THADA: variants seen among roughly 807,000 people sequenced by gnomAD.
THADA encodes tRNA (32-2'-O)-methyltransferase regulator THADA.
Under a neutral mutation model 219.8 loss-of-function variants are expected in THADA, and 213 were observed. That is an observed-to-expected ratio of 0.97 (90% CI 0.87 to 1.09). The LOEUF (loss-of-function observed/expected upper bound fraction) is 1.09. Ranked by LOEUF, THADA falls within the 50% of genes least tolerant of loss-of-function variation. The probability of loss-of-function intolerance (pLI) is 0.00; values close to 1 mark genes in which losing one functional copy is unlikely to be tolerated. For synonymous variants in THADA, 1,018 were observed against 828.9 expected (o/e 1.23, Z -3.92); for missense variants, 2,956 against 2,311.3 (o/e 1.28, Z -5.72).
intron 25 of THADA, among the ~76,000 whole-genome samples, chr2:43,498,610 A>G (rs1688560299): frequency 6.6e-6 from 1 of 152,166 alleles, no homozygotes; most frequent in Non-Finnish European, 1.5e-5. Flanking sequence ...AAAGCAATCA[A>G]TAAAATTAAA....
intron 29 of THADA, among the ~76,000 whole-genome samples, chr2:43,375,135 A>C (rs922769711): frequency 6.6e-6 from 1 of 152,204 alleles, no homozygotes; most frequent in Non-Finnish European, 1.5e-5. Flanking sequence ...GGGAATTTGT[A>C]CATGTAACAT....
chr2:43,269,719 A>G (rs553245354), intron 36 of THADA, among the ~76,000 whole-genome samples: 1 of 152,314 alleles, frequency 6.6e-6, no homozygotes, highest in East Asian at 1.9e-4. Flanking sequence ...CCACATAACT[A>G]TCTTCCTTCA....
At chr2:43,258,006 T>C (rs939713942) in intron 36 of THADA, among the ~76,000 whole-genome samples, 120 of 152,200 alleles carry the variant, frequency 7.9e-4, no homozygotes, top group African/African-American at 2.7e-3. Flanking sequence ...TGTCATGCCC[T>C]GGACAGTGCT....
At chr2:43,540,841 A>C (rs926541639) in intron 21 of THADA, among the ~76,000 whole-genome samples, 1 of 152,220 alleles carries the variant, frequency 6.6e-6, no homozygotes, top group East Asian at 1.9e-4. Flanking sequence ...GTTTTACTAA[A>C]TAAGACAATT....
At chr2:43,471,272 T>C (rs1447098325) in intron 26 of THADA, among the ~76,000 whole-genome samples, 1 of 152,146 alleles carries the variant, frequency 6.6e-6, no homozygotes, top group African/African-American at 2.4e-5. Context: ...ACATCTATAA[T>C]CCCAGCACTT....
intron 26 of THADA, among the ~76,000 whole-genome samples, chr2:43,463,777 A>G (rs1010183140): frequency 3.3e-5 from 5 of 152,196 alleles, no homozygotes; most frequent in African/African-American, 9.7e-5. Context: ...AAAGTAAAGA[A>G]ATTTTACATT....
intron 22 of THADA, among the ~76,000 whole-genome samples, chr2:43,511,117 C>T (rs1690383434): frequency 2.0e-5 from 3 of 151,948 alleles, no homozygotes; most frequent in Middle Eastern, 3.4e-3. Flanking sequence ...TTTATACTTG[C>T]ATTTTCTTCC....
intron 36 of THADA, among the ~76,000 whole-genome samples, chr2:43,278,034 T>A (rs1052758052): frequency 6.7e-6 from 1 of 150,368 alleles, no homozygotes; most frequent in African/African-American, 2.5e-5. Context: ...CACTGCGACC[T>A]ATGCCTCCTG....
chr2:43,281,184 T>A (rs551705823), intron 35 of THADA, among the ~76,000 whole-genome samples: 6 of 152,244 alleles, frequency 3.9e-5, no homozygotes, highest in African/African-American at 1.2e-4. Context: ...GCTTTAGTCA[T>A]ACCAATAATA....
At chr2:43,291,963 A>G in intron 33 of THADA, 141 bp downstream of exon 33, 1 of 753,644 alleles carries the variant, frequency 1.3e-6, no homozygotes, top group Non-Finnish European at 2.1e-6. Context: ...CTATTGCTTG[A>G]GTTTAGAACT....
At chr2:43,350,735 C>T (rs942973003) in intron 29 of THADA, among the ~76,000 whole-genome samples, 13 of 152,230 alleles carry the variant, frequency 8.5e-5, no homozygotes, top group African/African-American at 3.1e-4. Context: ...CACATGAATC[C>T]ACCAATCTGC....
At chr2:43,524,495 G>A (rs1248750033) in intron 22 of THADA, among the ~76,000 whole-genome samples, 1 of 152,188 alleles carries the variant, frequency 6.6e-6, no homozygotes, top group Non-Finnish European at 1.5e-5. Flanking sequence ...GGATTTTCAT[G>A]AATGCCCAGA....
chr2:43,318,078 C>T (rs774983329), intron 31 of THADA, among the ~76,000 whole-genome samples: 8 of 151,954 alleles, frequency 5.3e-5, no homozygotes, highest in African/African-American at 9.7e-5. Context: ...ATCGCTCTGT[C>T]GCCCAGGCTG....
rs373396566 is a variant in THADA at position 43,549,387 on chromosome 2, C to T, written c.2948-19G>A. ...GCTGACTCTGAGGGAAAGAAATGAG[C>T]GTACATGAAACCCAGTAACACATCA... On this transcript the variant is annotated intron_variant, in intron 19 of 37. Coordinates refer to ENST00000405975, the MANE Select transcript of THADA (RefSeq NM_022065.5). The T allele has an allele frequency of 6.2e-5, 98 of 1,591,304 alleles. No homozygotes were observed. The highest frequency in any genetic ancestry group is 1.4e-4 in the East Asian group (6 of 44,372).
At position 43,541,319 on chromosome 2, in the gene THADA, TAAAC is replaced by T. The variant is rs747107628; in HGVS notation, c.3107-7_3107-4del. On this transcript the variant is annotated splice_region_variant and splice_polypyrimidine_tract_variant and intron_variant, in intron 20 of 37. Transcript: ENST00000405975. The stretch of plus-strand genomic sequence containing the variant: ...ATCACATGTTTTTACTTCTTTACCT[TAAAC>T]AAAAAAAAACACAACGATTGCAACC... The T allele has an allele frequency of 2.5e-6, 4 of 1,610,992 alleles. No individual in the cohort carries two copies. The highest frequency in any genetic ancestry group is 4.5e-5 in the East Asian group (2 of 44,796).
At chr2:43,266,419 G>A (rs189959227) in intron 36 of THADA, among the ~76,000 whole-genome samples, 155 of 152,252 alleles carry the variant, frequency 1.0e-3, no homozygotes, top group African/African-American at 3.4e-3. Context: ...GTGAAACCCC[G>A]TCTCTGCTAA....
chr2:43,463,557 G>A (rs974230302), intron 26 of THADA, among the ~76,000 whole-genome samples: 2 of 152,158 alleles, frequency 1.3e-5, no homozygotes, highest in Non-Finnish European at 2.9e-5. Flanking sequence ...TTTCTTTTAA[G>A]TATTTATTTT....
chr2:43,275,963 T>C (rs1174103903), intron 36 of THADA, among the ~76,000 whole-genome samples: 1 of 152,224 alleles, frequency 6.6e-6, no homozygotes, highest in Non-Finnish European at 1.5e-5. Context: ...AAAACAGATC[T>C]GAGTGGCCGC....
chr2:43,435,470 AAGGGAGGGAGGGAAGGAGGG>A (rs1553442374), intron 26 of THADA, among the ~76,000 whole-genome samples: 1 of 141,726 alleles, frequency 7.1e-6, no homozygotes, highest in Admixed American at 7.0e-5. Flanking sequence ...GGGAGGAAGG[AAGGGAGGGAGGGAAGGAGGG>A]AGGGAGGGAG....
Sources: allele counts gnomAD v4.1 joint callset (sites outside exome capture counted in the v4.1 genomes callset), GRCh38; gene constraint gnomAD v4.1.1; transcripts MANE v1.5; gene names NCBI Gene and HGNC (gene_info 2026-07-23, HGNC 2026-07-21).